MICAL2: variants seen among roughly 807,000 people sequenced by gnomAD.
The protein encoded by MICAL2 is [F-actin]-monooxygenase MICAL2.
A neutral mutation model predicts 127.3 loss-of-function variants in MICAL2; 77 were observed. The ratio of observed to expected loss-of-function variants is 0.60; its 90% CI spans 0.50 to 0.73. The LOEUF (loss-of-function observed/expected upper bound fraction) is 0.73, where lower values mean the gene tolerates loss of function less well. Ranked by LOEUF, MICAL2 falls within the 30% of genes least tolerant of loss-of-function variation. MICAL2 has a pLI of 0.00. For missense variants in MICAL2, 1,351 were observed against 1,434.4 expected (o/e 0.94, Z 0.94); for synonymous variants, 570 against 551.1 (o/e 1.03, Z -0.48).
chr11:12,358,253 C>G, intron 34 of MICAL2: 1 of 1,589,238 alleles, frequency 6.3e-7, no homozygotes, highest in African/African-American at 1.4e-5. Flanking sequence ...CTGCCGGGGC[C>G]CAATCTTCTC....
intron 3 of MICAL2, among the ~76,000 whole-genome samples, chr11:12,172,272 G>T (rs186267207): frequency 3.4e-4 from 51 of 152,178 alleles, no homozygotes; most frequent in African/African-American, 1.2e-3. Context: ...ATATGTTCTC[G>T]GCTGATTCCC....
intron 34 of MICAL2, chr11:12,358,200 C>A: frequency 1.6e-6 from 2 of 1,221,366 alleles, no homozygotes; most frequent in Non-Finnish European, 2.3e-6. Flanking sequence ...AAATTAAAGG[C>A]AGAACAAGTC....
At chr11:12,337,340 C>G (rs2134873813) in intron 32 of MICAL2, among the ~76,000 whole-genome samples, 1 of 152,204 alleles carries the variant, frequency 6.6e-6, no homozygotes, top group Middle Eastern at 3.4e-3. Flanking sequence ...TGATTCTTCT[C>G]TCTTTTATTC....
intron 31 of MICAL2, among the ~76,000 whole-genome samples, chr11:12,326,264 C>T (rs187429931): frequency 6.6e-6 from 1 of 152,182 alleles, no homozygotes; most frequent in Non-Finnish European, 1.5e-5. Context: ...TTGAATATGC[C>T]TGTTCTGCCA....
intron 1 of MICAL2, among the ~76,000 whole-genome samples, chr11:12,119,960 C>G (rs1366103456): frequency 6.6e-6 from 1 of 152,226 alleles, no homozygotes; most frequent in Non-Finnish European, 1.5e-5. Context: ...TTCCATCTAC[C>G]ATTTCCCACC....
At chr11:12,285,908 A>T (rs1863821181) in intron 2 of MICAL2, among the ~76,000 whole-genome samples, 1 of 143,892 alleles carries the variant, frequency 6.9e-6, no homozygotes, top group South Asian at 2.3e-4. Context: ...CTTTCCGTTC[A>T]TGCTTCCTGG....
At chr11:12,332,819 T>C (rs984526317) in intron 32 of MICAL2, among the ~76,000 whole-genome samples, 5 of 152,180 alleles carry the variant, frequency 3.3e-5, no homozygotes, top group African/African-American at 9.7e-5. Context: ...CACAGTAGTA[T>C]CCTGACCCCC....
chr11:12,117,727 G>A (rs1477068604), intron 1 of MICAL2, among the ~76,000 whole-genome samples: 1 of 152,122 alleles, frequency 6.6e-6, no homozygotes, highest in African/African-American at 2.4e-5. Flanking sequence ...TGTGGCTGCT[G>A]TCAAATCAGC....
intron 2 of MICAL2, among the ~76,000 whole-genome samples, chr11:12,155,986 G>A (rs992139760): frequency 6.6e-6 from 1 of 152,230 alleles, no homozygotes; most frequent in East Asian, 1.9e-4. Context: ...TGTATGAGGC[G>A]CCTTCAAGCT....
At chr11:12,227,219 A>C (rs2706644) in intron 15 of MICAL2, 88 bp downstream of exon 15, 143,032 of 957,988 alleles carry the variant, frequency 0.15, 11,512 homozygotes, top group African/African-American at 0.23. Context: ...CAGCCTGTTG[A>C]GGCTAGTAAG....
At chr11:12,201,719 A>G (rs987482497) in intron 3 of MICAL2, among the ~76,000 whole-genome samples, 2 of 152,216 alleles carry the variant, frequency 1.3e-5, no homozygotes, top group Non-Finnish European at 1.5e-5. Flanking sequence ...TGCAGTGTCC[A>G]TTGAGGACCG....
chr11:12,260,914 T>C, intron 26 of MICAL2: 1 of 985,460 alleles, frequency 1.0e-6, no homozygotes, highest in Non-Finnish European at 1.2e-6. Flanking sequence ...GCATTTTCCC[T>C]TCCCACTAAT....
rs770479670 is a variant in MICAL2, at chr11:12,327,129, C to G, written c.5422-44C>G. 3 of 1,514,494 alleles carry G rather than the reference C, an allele frequency of 2.0e-6. 1 individual carries two copies. The highest frequency in any genetic ancestry group is 2.5e-5 in the East Asian group (1 of 40,746). 93.8% of individuals were successfully genotyped at this position (1,514,494 alleles called of 1,614,324 possible). ...GGCAGAATCAGCCCCTCTTGGGACT[C>G]TATGTGGAAAGTCCTTGTGTGACAT... On this transcript the variant is annotated intron_variant, in intron 31 of 34. Coordinates refer to the MICAL2 transcript ENST00000646065.
chr11:12,320,365 T>C (rs1864279204), intron 30 of MICAL2, among the ~76,000 whole-genome samples: 1 of 152,182 alleles, frequency 6.6e-6, no homozygotes, highest in South Asian at 2.1e-4. Flanking sequence ...GAGAACTCTT[T>C]AAACAACTCT....
rs141854321 is a variant in MICAL2, at chr11:12,204,448, G to A, written c.463G>A (p.Asp155Asn). The part of the protein sequence containing the change: ...FYGKFCAGSI[D>N]HISIRQLQLI... The stretch of plus-strand genomic sequence containing the variant: ...TGGGAAGTTCTGTGCTGGCTCCATC[G>A]ACCATATCAGTGAGTGGAGTCTATG... The change falls in exon 4 of 28, where the codon GAC (aspartate) becomes AAC (asparagine). Residue 155 changes from aspartate to asparagine, a missense_variant. Around this residue, in one of 2 missense-constraint regions of MICAL2, gnomAD observed 599 missense variants for 714.9 expected, o/e 0.84. Coordinates refer to ENST00000683283, the MANE Select transcript of MICAL2 (RefSeq NM_001282663.2). 88 of 1,614,082 alleles carry A rather than the reference G, an allele frequency of 5.5e-5. No homozygotes were observed. In the East Asian group the frequency reaches 1.6e-3, roughly 30 times the overall value.
At chr11:12,274,780 G>T (rs937170732), upstream of MICAL2, 1 of 152,228 alleles carries the variant, frequency 6.6e-6, no homozygotes, top group Non-Finnish European at 1.5e-5. Flanking sequence ...GACTTTGCAG[G>T]CCTCGGTAGG....
chr11:12,130,567 A>G (rs1193004211), intron 1 of MICAL2, among the ~76,000 whole-genome samples: 1 of 152,214 alleles, frequency 6.6e-6, no homozygotes, highest in Non-Finnish European at 1.5e-5. Context: ...GTTCAGCCCA[A>G]CAAAAGTTTA....
intron 22 of MICAL2, 111 bp from the exon 23 acceptor site, chr11:12,255,532 T>G: frequency 1.1e-6 from 1 of 900,294 alleles, no homozygotes; most frequent in East Asian, 2.6e-5. Context: ...GGGGTGCTAT[T>G]TGCATGTGGG....
chr11:12,323,885 T>A, intron 30 of MICAL2: 1 of 1,353,710 alleles, frequency 7.4e-7, no homozygotes, highest in East Asian at 2.5e-5. Flanking sequence ...CTGGGAATCA[T>A]TAGTTGGAGA....
Sources: allele counts gnomAD v4.1 joint callset (sites outside exome capture counted in the v4.1 genomes callset), GRCh38; gene constraint gnomAD v4.1.1; regional missense constraint gnomAD v4.1.1; transcripts MANE v1.5; gene names NCBI Gene and HGNC (gene_info 2026-07-23, HGNC 2026-07-21).